Variants in PRUNE2 observed in about 807,000 individuals in gnomAD.
PRUNE2 encodes prune homolog 2 with BCH domain.
A neutral mutation model predicts 252.0 loss-of-function variants in PRUNE2; 164 were observed. That is an observed-to-expected ratio of 0.65 (90% CI 0.57 to 0.74). The LOEUF (loss-of-function observed/expected upper bound fraction) is 0.74, where lower values mean the gene tolerates loss of function less well. PRUNE2 is among the 30% of genes least tolerant of loss of function. The probability of loss-of-function intolerance (pLI) is 0.00; values close to 1 mark genes in which losing one functional copy is unlikely to be tolerated. For missense variants in PRUNE2, 3,495 were observed against 3,711.0 expected (o/e 0.94, Z 1.51); for synonymous variants, 1,292 against 1,350.2 (o/e 0.96, Z 0.94).
intron 6 of PRUNE2, among the ~76,000 whole-genome samples, chr9:76,818,683 C>T (rs79142590): frequency 0.044 from 6,647 of 152,194 alleles, 176 homozygotes; most frequent in Non-Finnish European, 0.065. Flanking sequence ...ATGCCAACAG[C>T]TGAAAGTCCT....
Position 76,711,227 on chromosome 9 carries a change from G to GACA in PRUNE2, c.1044_1046dup (p.Val349dup), listed in dbSNP as rs758752252. On this transcript the variant is annotated inframe_insertion, in exon 8 of 19. Transcript: ENST00000376718. ...GACACCTCCTGTTGATGACTTCCTT[G>GACA]ACAACGAGAACCACCTGATCACAAG... is the stretch of plus-strand genomic sequence containing the variant. The GACA allele has an allele frequency of 9.3e-6, 15 of 1,613,766 alleles. No homozygotes were observed. The highest frequency in any genetic ancestry group is 4.2e-6 in the Non-Finnish European group (5 of 1,179,870).
intron 4 of PRUNE2, among the ~76,000 whole-genome samples, chr9:76,836,977 C>A (rs1016333686): frequency 6.6e-6 from 1 of 152,098 alleles, no homozygotes; most frequent in Non-Finnish European, 1.5e-5. Context: ...AATAATATAC[C>A]ATAATGCAAA....
intron 6 of PRUNE2, among the ~76,000 whole-genome samples, chr9:76,783,203 T>C (rs1213290026): frequency 6.6e-6 from 1 of 152,196 alleles, no homozygotes; most frequent in Non-Finnish European, 1.5e-5. Flanking sequence ...ATGGCACAAT[T>C]ACAGCTCACT....
In PRUNE2 at chr9:76,761,943, C is replaced by A. The variant is rs188571902; in HGVS notation, c.757-48222G>T. On this transcript the variant is annotated intron_variant, in intron 6 of 18. Transcript: ENST00000376718. ...AAATAATGCCACTCTGGAGCTATAT[C>A]ATATTATGTATCATGTATGGTCAAA... is the stretch of plus-strand genomic sequence containing the variant. Among the ~76,000 whole-genome samples the A allele has an allele frequency of 4.6e-5, 7 of 152,236 alleles. No individual in the cohort carries two copies. The East Asian group carries it at 1.3e-3, about 29-fold the overall frequency.
chr9:76,614,685 T>G, intron 18 of PRUNE2, 85 bp from the exon 19 acceptor site: 1 of 1,044,468 alleles, frequency 9.6e-7, no homozygotes, highest in East Asian at 2.4e-5. Context: ...TGTGTTTGCT[T>G]TTTTCCTCAA....
At chr9:76,712,144 T>C (rs2046785844) in intron 7 of PRUNE2, among the ~76,000 whole-genome samples, 1 of 152,240 alleles carries the variant, frequency 6.6e-6, no homozygotes, top group Non-Finnish European at 1.5e-5. Flanking sequence ...CTACTACTAC[T>C]ACTAATTAAC....
At chr9:76,668,017 A>G (rs566020863) in intron 9 of PRUNE2, among the ~76,000 whole-genome samples, 82 of 152,180 alleles carry the variant, frequency 5.4e-4, no homozygotes, top group Non-Finnish European at 9.0e-4. Context: ...ATAACATTTC[A>G]TTTTCTTAAA....
At chr9:76,828,974 G>A (rs915821347) in intron 4 of PRUNE2, among the ~76,000 whole-genome samples, 4 of 131,646 alleles carry the variant, frequency 3.0e-5, no homozygotes, top group Non-Finnish European at 4.6e-5. Context: ...CTAAGATCAC[G>A]CCACTTCACT....
intron 9 of PRUNE2, among the ~76,000 whole-genome samples, chr9:76,678,153 A>G (rs1279329526): frequency 6.6e-6 from 1 of 151,948 alleles, no homozygotes; most frequent in Non-Finnish European, 1.5e-5. Flanking sequence ...GGAGTTTGAG[A>G]CCAGCCTGGC....
chr9:76,774,465 T>TATTTATTTATTTATTTATTTATTTATTTA lies in PRUNE2; in HGVS notation c.756+49166_756+49167insTAAATAAATAAATAAATAAATAAATAAAT, dbSNP rs761395945. Among the ~76,000 whole-genome samples, 1,240 of 136,884 alleles carry TATTTATTTATTTATTTATTTATTTATTTA rather than the reference T, an allele frequency of 9.1e-3. 44 individuals carry two copies. The highest frequency in any genetic ancestry group is 0.031 in the African/African-American group (1,109 of 35,742). The allele number at this position is 136,884 out of a possible 152,430, so 89.8% of individuals were successfully genotyped here. ...CAGTTCAACCCTTTTTTTTTTTTTTTTTTTTTTTTTTTGAGATGGAGTCTC... is the reference window on the plus strand; with the variant it reads ...CAGTTCAACCCTTTTTTTTTTTTTTTATTTATTTATTTATTTATTTATTTATTTATTTTTTTTTTTTGAGATGGAGTCTC... On this transcript the variant is annotated intron_variant, in intron 6 of 18. Coordinates refer to ENST00000376718, the MANE Select transcript of PRUNE2 (RefSeq NM_015225.3).
chr9:76,776,575 C>G (rs761708858), intron 6 of PRUNE2, among the ~76,000 whole-genome samples: 1 of 122,344 alleles, frequency 8.2e-6, no homozygotes, highest in Non-Finnish European at 1.6e-5. Flanking sequence ...GAGTGCAGTG[C>G]ACAATCTCGG....
At chr9:76,903,264 C>T (rs73653251) in intron 1 of PRUNE2, among the ~76,000 whole-genome samples, 432 of 152,114 alleles carry the variant, frequency 2.8e-3, no homozygotes, top group African/African-American at 9.1e-3. Flanking sequence ...AATTAGCTAG[C>T]CCCAATGATG....
intron 9 of PRUNE2, among the ~76,000 whole-genome samples, chr9:76,666,220 T>C (rs2133783862): frequency 6.6e-6 from 1 of 152,260 alleles, no homozygotes; most frequent in South Asian, 2.1e-4. Context: ...CTAGCGGTAG[T>C]GTCAGTGCCA....
intron 6 of PRUNE2, among the ~76,000 whole-genome samples, chr9:76,806,728 C>G (rs1019812037): frequency 6.6e-6 from 1 of 150,932 alleles, no homozygotes; most frequent in East Asian, 2.0e-4. Flanking sequence ...CCGTGTTAGC[C>G]AGGATGGTCT....
chr9:76,697,639 G>A (rs1264801621), intron 9 of PRUNE2, among the ~76,000 whole-genome samples: 1 of 152,178 alleles, frequency 6.6e-6, no homozygotes, highest in Non-Finnish European at 1.5e-5. Flanking sequence ...CGGGAGAACA[G>A]GAATGAAAAC....
intron 11 of PRUNE2, among the ~76,000 whole-genome samples, chr9:76,650,085 G>A (rs1245641994): frequency 9.2e-5 from 14 of 152,010 alleles, no homozygotes; most frequent in Admixed American, 9.2e-4. Context: ...ATATTCACTG[G>A]GAAGCAGCAT....
intron 4 of PRUNE2, among the ~76,000 whole-genome samples, chr9:76,827,216 G>T (rs2058394934): frequency 6.6e-6 from 1 of 152,060 alleles, no homozygotes; most frequent in African/African-American, 2.4e-5. Flanking sequence ...TAATCCCACG[G>T]TCAACAGCTG....
chr9:76,619,067 A>G (rs751642321), intron 18 of PRUNE2, among the ~76,000 whole-genome samples: 7 of 152,242 alleles, frequency 4.6e-5, no homozygotes, highest in Non-Finnish European at 1.0e-4. Context: ...ATGTTCTTAC[A>G]TCTGGTCCTA....
chr9:76,897,390 CTTTTTTTTTTTTTTTTTTTTTT>C (rs55702049), intron 1 of PRUNE2, among the ~76,000 whole-genome samples: 2 of 56,252 alleles, frequency 3.6e-5, no homozygotes, highest in Non-Finnish European at 7.3e-5. Context: ...AGGCAAACCT[CTTTTTTTTTTTTTTTTTTTTTT>C]TTTTTTTTTT....
Sources: allele counts gnomAD v4.1 joint callset (sites outside exome capture counted in the v4.1 genomes callset), GRCh38; gene constraint gnomAD v4.1.1; transcripts MANE v1.5; gene names NCBI Gene and HGNC (gene_info 2026-07-23, HGNC 2026-07-21).